The following ZMYND11 variants were observed in gnomAD, a reference collection of about 807,000 sequenced individuals.
ZMYND11 encodes zinc finger MYND domain-containing protein 11.
A neutral mutation model predicts 84.9 loss-of-function variants in ZMYND11; 9 were observed. That is an observed-to-expected ratio of 0.11 (90% CI 0.06 to 0.18). The LOEUF (loss-of-function observed/expected upper bound fraction) is 0.18. Ranked by LOEUF, ZMYND11 falls within the 10% of genes least tolerant of loss-of-function variation. ZMYND11 has a pLI of 1.00. For synonymous variants in ZMYND11, 250 were observed against 244.1 expected (o/e 1.02, Z -0.23); for missense variants, 409 against 761.0 (o/e 0.54, Z 5.44).
intron 4 of ZMYND11, among the ~76,000 whole-genome samples, chr10:232,279 G>A (rs898259501): frequency 6.6e-6 from 1 of 152,314 alleles, no homozygotes; most frequent in Admixed American, 6.5e-5. Context: ...TCCACGGCTT[G>A]TTACCTTAGA....
chr10:173,336 A>C (rs552179152), intron 1 of ZMYND11, among the ~76,000 whole-genome samples: 1 of 152,240 alleles, frequency 6.6e-6, no homozygotes, highest in Non-Finnish European at 1.5e-5. Context: ...TAATGTCAAG[A>C]AATTGTGATG....
At chr10:146,613 T>C (rs1185197603) in intron 1 of ZMYND11, among the ~76,000 whole-genome samples, 1 of 152,158 alleles carries the variant, frequency 6.6e-6, no homozygotes, top group Non-Finnish European at 1.5e-5. Context: ...TAGGGTTTTG[T>C]TGTTGTGTTG....
chr10:131,786 C>T (rs1445526436), upstream of ZMYND11, among the ~76,000 whole-genome samples: 2 of 151,992 alleles, frequency 1.3e-5, no homozygotes, highest in Non-Finnish European at 2.9e-5. Context: ...CCTTGGCCTC[C>T]CAAAGTGTTG....
intron 1 of ZMYND11, among the ~76,000 whole-genome samples, chr10:171,613 A>T (rs1554765747): frequency 6.6e-6 from 1 of 152,218 alleles, no homozygotes; most frequent in Non-Finnish European, 1.5e-5. Flanking sequence ...AAATGAGAAT[A>T]AAAATAGTTT....
intron 4 of ZMYND11, 48 bp downstream of exon 4, chr10:221,404 T>G (rs777391719): frequency 6.4e-7 from 1 of 1,572,284 alleles, no homozygotes; most frequent in Admixed American, 1.8e-5. Flanking sequence ...TTGGAATTAA[T>G]TCATAATAGC....
intron 1 of ZMYND11, among the ~76,000 whole-genome samples, chr10:141,474 T>TG (rs1837487951): frequency 6.6e-6 from 1 of 152,200 alleles, no homozygotes; most frequent in Admixed American, 6.5e-5. Context: ...CACTCCGACC[T>TG]GGGTACTGTA....
chr10:168,368 C>T (rs981288541), intron 1 of ZMYND11, among the ~76,000 whole-genome samples: 6 of 151,864 alleles, frequency 4.0e-5, no homozygotes, highest in African/African-American at 4.8e-5. Context: ...TGTGGTCCCT[C>T]GGGAGGCTGA....
chr10:147,833 A>G (rs552721956), intron 1 of ZMYND11: 20 of 152,184 alleles, frequency 1.3e-4, no homozygotes, highest in South Asian at 6.2e-4. Context: ...TAGTCAGGAT[A>G]TGGGTTGCCA....
At chr10:141,862 A>T (rs1829356427) in intron 1 of ZMYND11, among the ~76,000 whole-genome samples, 1 of 152,220 alleles carries the variant, frequency 6.6e-6, no homozygotes, top group Non-Finnish European at 1.5e-5. Flanking sequence ...AACATGAAAG[A>T]TATTAAAAAA....
intron 3 of ZMYND11, among the ~76,000 whole-genome samples, chr10:212,149 C>A (rs943512542): frequency 6.6e-6 from 1 of 152,024 alleles, no homozygotes; most frequent in Non-Finnish European, 1.5e-5. Context: ...TTGGTACTTT[C>A]CTATATGCTT....
intron 1 of ZMYND11, among the ~76,000 whole-genome samples, chr10:160,411 T>C (rs1361629924): frequency 6.6e-6 from 1 of 152,234 alleles, no homozygotes; most frequent in Non-Finnish European, 1.5e-5. Flanking sequence ...GCCTTGATGT[T>C]GATGGCTGCT....
chr10:239,608 TACTTTC>T, intron 7 of ZMYND11, 83 bp downstream of exon 7: 1 of 982,380 alleles, frequency 1.0e-6, no homozygotes, highest in Non-Finnish European at 1.6e-6. Context: ...TATAAAACAT[TACTTTC>T]AAAGAATTAA....
At chr10:145,608 A>G (rs1342337890) in intron 1 of ZMYND11, among the ~76,000 whole-genome samples, 2 of 152,186 alleles carry the variant, frequency 1.3e-5, no homozygotes, top group African/African-American at 4.8e-5. Flanking sequence ...GTAAGGTGGT[A>G]CCTCACTGTG....
intron 4 of ZMYND11, 61 bp from the exon 5 acceptor site, chr10:236,777 T>G: frequency 7.1e-7 from 1 of 1,404,266 alleles, no homozygotes; most frequent in Non-Finnish European, 9.9e-7. Context: ...GTCTTTTACA[T>G]GAATATAGAC....
intron 8 of ZMYND11, 97 bp from the exon 9 acceptor site, chr10:240,796 T>A: frequency 1.1e-6 from 1 of 940,678 alleles, no homozygotes; most frequent in South Asian, 1.6e-5. Context: ...TCAACACTAT[T>A]TATATACGTG....
intron 4 of ZMYND11, 110 bp from the exon 5 acceptor site, chr10:236,728 T>C (rs1950041431): frequency 4.4e-6 from 4 of 906,512 alleles, no homozygotes; most frequent in African/African-American, 3.5e-5. Flanking sequence ...AGAGCACTTT[T>C]AGTAAACTCT....
intron 4 of ZMYND11, among the ~76,000 whole-genome samples, chr10:230,914 T>C (rs1031158368): frequency 3.9e-5 from 6 of 152,232 alleles, no homozygotes; most frequent in African/African-American, 1.2e-4. Context: ...ATTGACATTA[T>C]GGACCCTGCT....
intron 2 of ZMYND11, among the ~76,000 whole-genome samples, chr10:204,196 G>C (rs112083725): frequency 4.9e-4 from 74 of 152,214 alleles, no homozygotes; most frequent in African/African-American, 1.8e-3. Flanking sequence ...TCCTAGGTTA[G>C]ATAACCAGTT....
In ZMYND11 at chr10:168,926, C is replaced by T. The variant is rs545685903; in HGVS notation, c.-19-11068C>T. On this transcript the variant is annotated intron_variant, in intron 1 of 14. Transcript: ENST00000381604. ...TAGAAACTTCAGAGGGACCCAGTCACGGGGGAGGGCTGCCACAGTTTTGAG... is the reference window on the plus strand; with the variant it reads ...TAGAAACTTCAGAGGGACCCAGTCATGGGGGAGGGCTGCCACAGTTTTGAG... Among the ~76,000 whole-genome samples the T allele has an allele frequency of 6.6e-4, 101 of 152,206 alleles. 2 individuals carry two copies. Among genetic ancestry groups the T allele is most frequent in the Admixed American group, 6.2e-3 (95 of 15,278 alleles).
Sources: allele counts gnomAD v4.1 joint callset (sites outside exome capture counted in the v4.1 genomes callset), GRCh38; gene constraint gnomAD v4.1.1; transcripts MANE v1.5; gene names NCBI Gene and HGNC (gene_info 2026-07-23, HGNC 2026-07-21).